Variants in PPM1L observed in about 807,000 individuals in gnomAD.
PPM1L encodes protein phosphatase, Mg2+/Mn2+ dependent 1L.
Under a neutral mutation model 31.4 loss-of-function variants are expected in PPM1L, and 13 were observed. The ratio of observed to expected loss-of-function variants is 0.41; its 90% confidence interval spans 0.27 to 0.66. The LOEUF is 0.66. Among genes scored for constraint, PPM1L ranks in the 30% least tolerant of loss-of-function variants. The pLI is 0.29. For synonymous variants in PPM1L, 184 were observed against 175.4 expected (o/e 1.05, Z -0.39); for missense variants, 326 against 453.7 (o/e 0.72, Z 2.56).
At chr3:161,056,215 G>A (rs941528651) in intron 2 of PPM1L, among the ~76,000 whole-genome samples, 1 of 152,100 alleles carries the variant, frequency 6.6e-6, no homozygotes, top group Non-Finnish European at 1.5e-5. Flanking sequence ...TGCAGGGAGA[G>A]CCTAAAAGCA....
At chr3:160,844,276 A>T (rs577147255) in intron 1 of PPM1L, among the ~76,000 whole-genome samples, 2 of 152,190 alleles carry the variant, frequency 1.3e-5, no homozygotes, top group South Asian at 4.1e-4. Flanking sequence ...TAGACTTTTA[A>T]GGGTATCCTT....
At chr3:160,771,244 A>G (rs1458704798) in intron 1 of PPM1L, among the ~76,000 whole-genome samples, 1 of 151,824 alleles carries the variant, frequency 6.6e-6, no homozygotes, top group Non-Finnish European at 1.5e-5. Context: ...ATTTTCAGGC[A>G]ACTTTCCGGA....
chr3:160,869,723 T>G (rs1163586354), intron 1 of PPM1L, among the ~76,000 whole-genome samples: 2 of 121,914 alleles, frequency 1.6e-5, no homozygotes, highest in Admixed American at 8.5e-5. Flanking sequence ...AATGTATGTG[T>G]GTGTGTGTGT....
chr3:160,938,726 C>A (rs1243242001), intron 1 of PPM1L, among the ~76,000 whole-genome samples: 1 of 152,208 alleles, frequency 6.6e-6, no homozygotes. Flanking sequence ...AGGGGACTGA[C>A]AGCCAGTGAG....
intron 2 of PPM1L, among the ~76,000 whole-genome samples, chr3:160,965,745 A>G (rs745907955): frequency 7.2e-5 from 11 of 152,012 alleles, no homozygotes; most frequent in Non-Finnish European, 1.3e-4. Context: ...TGACTTCCTC[A>G]CATTCTTGAT....
intron 2 of PPM1L, among the ~76,000 whole-genome samples, chr3:161,049,230 A>G (rs1719188402): frequency 6.6e-6 from 1 of 151,158 alleles, no homozygotes; most frequent in South Asian, 2.1e-4. Context: ...ATGAGCCAGG[A>G]TTGTGCCACT....
At chr3:160,761,729 A>G (rs999124864) in intron 1 of PPM1L, among the ~76,000 whole-genome samples, 1 of 152,198 alleles carries the variant, frequency 6.6e-6, no homozygotes, top group African/African-American at 2.4e-5. Context: ...GGAAATTTAC[A>G]AAAGAAAGAG....
At chr3:160,772,828 C>CT (rs575795315) in intron 1 of PPM1L, among the ~76,000 whole-genome samples, 2 of 152,044 alleles carry the variant, frequency 1.3e-5, no homozygotes, top group African/African-American at 4.8e-5. Context: ...AGTATGTAGT[C>CT]TTTTTTTCTG....
intron 1 of PPM1L, among the ~76,000 whole-genome samples, chr3:160,862,702 A>G (rs1019625868): frequency 5.2e-5 from 7 of 133,838 alleles, no homozygotes; most frequent in Admixed American, 1.4e-4. Flanking sequence ...ACACACACAC[A>G]CAAAATTCTG....
chr3:161,072,695 C>T lies in PPM1L; in HGVS notation c.*3538C>T, dbSNP rs1348423815. 1 of 151,938 alleles carries T rather than the reference C, an allele frequency of 6.6e-6. No individual in the cohort carries two copies. Among genetic ancestry groups the T allele is most frequent in the Non-Finnish European group, 1.5e-5 (1 of 67,958 alleles). 9.4% of individuals were successfully genotyped at this position (151,938 alleles called of 1,614,324 possible). On this transcript the variant is annotated 3_prime_UTR_variant, in exon 4 of 4. Transcript: ENST00000498165. ...GTAACATTGCAAGGAACTTGTGTAT[C>T]AAGGTGTATCTTGATTATCCTGATT...
At chr3:160,865,095 C>T (rs941320974) in intron 1 of PPM1L, among the ~76,000 whole-genome samples, 5 of 152,106 alleles carry the variant, frequency 3.3e-5, no homozygotes, top group African/African-American at 1.2e-4. Flanking sequence ...TCTAATGTAT[C>T]CAGTTTTGAT....
Position 161,071,184 on chromosome 3 carries a change from A to G in PPM1L, c.*2027A>G, listed in dbSNP as rs1354452037. On this transcript the variant is annotated 3_prime_UTR_variant, in exon 4 of 4. Transcript: ENST00000498165. ...GCCAGGCGGCTGAGTTTGCTTGGAAATTCAGGACATTCTGACTCCTAAGAG... is the reference window on the plus strand; with the variant it reads ...GCCAGGCGGCTGAGTTTGCTTGGAAGTTCAGGACATTCTGACTCCTAAGAG... 6.6e-6 allele frequency: 1 copy of G among 152,272 alleles called. No individual in the cohort carries two copies. Among genetic ancestry groups the G allele is most frequent in the Non-Finnish European group, 1.5e-5 (1 of 68,094 alleles). 9.4% of individuals were successfully genotyped at this position (152,272 alleles called of 1,614,324 possible).
intron 1 of PPM1L, among the ~76,000 whole-genome samples, chr3:160,958,979 A>C (rs549494961): frequency 6.6e-6 from 1 of 152,212 alleles, no homozygotes; most frequent in East Asian, 1.9e-4. Context: ...GTTATTATAT[A>C]AAAAAGACAC....
At chr3:160,859,432 G>C (rs954314053) in intron 1 of PPM1L, among the ~76,000 whole-genome samples, 19 of 152,124 alleles carry the variant, frequency 1.2e-4, no homozygotes, top group Admixed American at 6.6e-5. Flanking sequence ...AATGAGGTTA[G>C]GCAAATAATA....
intron 1 of PPM1L, among the ~76,000 whole-genome samples, chr3:160,925,133 A>G (rs1714544145): frequency 1.3e-5 from 2 of 152,250 alleles, no homozygotes; most frequent in Admixed American, 1.3e-4. Context: ...AGAATTATAA[A>G]TATGGAAACT....
chr3:160,890,023 A>T (rs1576693206), intron 1 of PPM1L, among the ~76,000 whole-genome samples: 1 of 152,170 alleles, frequency 6.6e-6, no homozygotes, highest in South Asian at 2.1e-4. Context: ...TTTATGACAA[A>T]CCCACAGCCA....
chr3:160,833,386 A>T (rs1713579460), intron 1 of PPM1L, among the ~76,000 whole-genome samples: 1 of 152,230 alleles, frequency 6.6e-6, no homozygotes, highest in African/African-American at 2.4e-5. Flanking sequence ...ACTAATTTAC[A>T]TTCCCACCAA....
chr3:161,021,516 A>C (rs1479648554), intron 2 of PPM1L, among the ~76,000 whole-genome samples: 2 of 152,040 alleles, frequency 1.3e-5, no homozygotes, highest in African/African-American at 4.8e-5. Context: ...AGTGTTCTAT[A>C]CATGTCTGTT....
chr3:160,948,119 C>G (rs1039499352), intron 1 of PPM1L, among the ~76,000 whole-genome samples: 4 of 152,192 alleles, frequency 2.6e-5, no homozygotes, highest in African/African-American at 7.2e-5. Context: ...GGATATACTT[C>G]TAGCTTATGA....
Sources: gnomAD v4.1 joint callset for allele counts (sites outside exome capture counted in the v4.1 genomes callset) on GRCh38, gnomAD v4.1.1 for gene constraint, MANE v1.5 for transcripts, NCBI Gene and HGNC (gene_info 2026-07-23, HGNC 2026-07-21) for gene names.